PCDH15: variants seen among roughly 807,000 people sequenced by gnomAD.
The protein encoded by PCDH15 is protocadherin related 15.
PCDH15 carries 129 observed loss-of-function variants against 178.5 expected under a neutral mutation model. That is an observed-to-expected ratio of 0.72 (90% CI 0.63 to 0.84). PCDH15 has a LOEUF of 0.84. PCDH15 is among the 40% of genes least tolerant of loss of function. The probability of loss-of-function intolerance (pLI) is 0.00; values close to 1 mark genes in which losing one functional copy is unlikely to be tolerated. For synonymous variants in PCDH15, 800 were observed against 732.0 expected, an observed-to-expected ratio of 1.09 and a Z score of -1.50; for missense variants, 2,230 against 2,099.9, an observed-to-expected ratio of 1.06 and a Z score of -1.21.
chr10:54,019,671 A>G (rs890878892), intron 20 of PCDH15, among the ~76,000 whole-genome samples: 6 of 152,112 alleles, frequency 3.9e-5, no homozygotes, highest in African/African-American at 1.4e-4. Context: ...TAACAAATCC[A>G]GAGAGGTTAA....
intron 2 of PCDH15, among the ~76,000 whole-genome samples, chr10:55,530,557 T>C (rs1841427883): frequency 6.6e-6 from 1 of 152,024 alleles, no homozygotes; most frequent in South Asian, 2.1e-4. Context: ...TGGATGAATA[T>C]TCTTTTTTAC....
intron 10 of PCDH15, among the ~76,000 whole-genome samples, chr10:54,200,827 C>A (rs1181935637): frequency 2.6e-5 from 4 of 152,178 alleles, no homozygotes; most frequent in Middle Eastern, 3.4e-3. Context: ...AGTTATTCAT[C>A]TTTTCTTTAT....
chr10:55,168,452 T>C (rs1205532840), intron 1 of PCDH15, among the ~76,000 whole-genome samples: 1 of 152,244 alleles, frequency 6.6e-6, no homozygotes, highest in African/African-American at 2.4e-5. Context: ...GTTTATGCAG[T>C]GACCTCCTGA....
intron 2 of PCDH15, among the ~76,000 whole-genome samples, chr10:55,163,933 C>CT (rs768062769): frequency 6.6e-6 from 1 of 152,182 alleles, no homozygotes; most frequent in Non-Finnish European, 1.5e-5. Context: ...CATGCCACTG[C>CT]TCTGCCTATG....
At chr10:54,661,879 A>T (rs373224864) in intron 2 of PCDH15, among the ~76,000 whole-genome samples, 1 of 152,096 alleles carries the variant, frequency 6.6e-6, no homozygotes, top group African/African-American at 2.4e-5. Flanking sequence ...CTTCACTCCT[A>T]TCTCTCACCA....
At chr10:54,745,401 C>T (rs959313117) in intron 1 of PCDH15, among the ~76,000 whole-genome samples, 1 of 151,600 alleles carries the variant, frequency 6.6e-6, no homozygotes, top group Non-Finnish European at 1.5e-5. Context: ...TGAAAGTGAT[C>T]TAATCAGAAG....
At chr10:53,934,890 A>G (rs559131157) in intron 25 of PCDH15, among the ~76,000 whole-genome samples, 32 of 152,072 alleles carry the variant, frequency 2.1e-4, no homozygotes, top group Non-Finnish European at 3.4e-4. Context: ...GCACAAGAGC[A>G]TAAGAACTTG....
chr10:54,287,439 T>A (rs1472443263), intron 8 of PCDH15, among the ~76,000 whole-genome samples: 1 of 152,206 alleles, frequency 6.6e-6, no homozygotes, highest in Non-Finnish European at 1.5e-5. Flanking sequence ...AATGCCTTTT[T>A]TTCTGCAAAA....
chr10:54,813,412 A>C (rs142195842), intron 3 of PCDH15, among the ~76,000 whole-genome samples: 1 of 152,132 alleles, frequency 6.6e-6, no homozygotes, highest in Admixed American at 6.6e-5. Flanking sequence ...GAAACCTTCC[A>C]CTATTCACTA....
At chr10:53,922,929 T>C (rs957747377) in intron 25 of PCDH15, among the ~76,000 whole-genome samples, 1 of 151,820 alleles carries the variant, frequency 6.6e-6, no homozygotes, top group Non-Finnish European at 1.5e-5. Flanking sequence ...CTACTAAAAA[T>C]ACAAAAAATA....
Position 54,601,316 on chromosome 10 carries a change from AT to A in PCDH15, c.91+62855del, listed in dbSNP as rs58084894. Among the ~76,000 whole-genome samples the A allele has an allele frequency of 5.3e-3, 804 of 150,694 alleles. 6 individuals carry two copies. The highest frequency in any genetic ancestry group is 0.019 in the African/African-American group (773 of 41,330). On this transcript the variant is annotated intron_variant, in intron 2 of 37. Transcript: ENST00000644397. ...GTCGATTATCTAGCATCTATAAGGAATTTAAACAAATTTACAGGAAAAAAAC... is the reference window on the plus strand; with the variant it reads ...GTCGATTATCTAGCATCTATAAGGAATTAAACAAATTTACAGGAAAAAAAC...
intron 2 of PCDH15, among the ~76,000 whole-genome samples, chr10:55,028,518 C>G (rs898200633): frequency 1.4e-4 from 22 of 151,882 alleles, no homozygotes; most frequent in Non-Finnish European, 2.8e-4. Context: ...AATAACATAT[C>G]GTGACTTTAT....
At chr10:54,534,263 T>A (rs1246225034) in intron 2 of PCDH15, among the ~76,000 whole-genome samples, 1 of 152,156 alleles carries the variant, frequency 6.6e-6, no homozygotes, top group Non-Finnish European at 1.5e-5. Context: ...TGAGGGCAGA[T>A]CTTAGTTATA....
chr10:54,208,975 T>G (rs2051116972), intron 10 of PCDH15, among the ~76,000 whole-genome samples: 1 of 152,082 alleles, frequency 6.6e-6, no homozygotes, highest in African/African-American at 2.4e-5. Flanking sequence ...GTCTTTTTTT[T>G]TCCTCTCTCT....
intron 2 of PCDH15, among the ~76,000 whole-genome samples, chr10:55,598,517 T>TATATA (rs1842984202): frequency 9.4e-4 from 4 of 4,244 alleles, no homozygotes; most frequent in Non-Finnish European, 4.0e-4. Flanking sequence ...AACCCTAATA[T>TATATA]ATATATATAT....
intron 2 of PCDH15, among the ~76,000 whole-genome samples, chr10:54,924,425 G>T (rs1369530094): frequency 1.5e-5 from 2 of 137,652 alleles, no homozygotes; most frequent in African/African-American, 5.0e-5. Context: ...GTGTCTTTAT[G>T]ACTGGACAAT....
At chr10:54,578,583 C>T (rs996624380) in intron 2 of PCDH15, among the ~76,000 whole-genome samples, 1 of 152,024 alleles carries the variant, frequency 6.6e-6, no homozygotes, top group African/African-American at 2.4e-5. Context: ...AGTCAGTTAG[C>T]TGGTGTCAGT....
intron 2 of PCDH15, among the ~76,000 whole-genome samples, chr10:55,134,545 C>T (rs1295634745): frequency 6.6e-6 from 1 of 152,170 alleles, no homozygotes; most frequent in African/African-American, 2.4e-5. Flanking sequence ...CATCATCATG[C>T]AGCTTGTACC....
intron 14 of PCDH15, among the ~76,000 whole-genome samples, chr10:54,149,753 T>C (rs540670272): frequency 6.6e-6 from 1 of 152,278 alleles, no homozygotes; most frequent in Admixed American, 6.5e-5. Context: ...GCTATTGTGT[T>C]GAGAAGAGAT....
Sources: gnomAD v4.1 joint callset for allele counts (sites outside exome capture counted in the v4.1 genomes callset) on GRCh38, gnomAD v4.1.1 for gene constraint, MANE v1.5 for transcripts, NCBI Gene and HGNC (gene_info 2026-07-23, HGNC 2026-07-21) for gene names.